The following TIMD4 variants were observed in gnomAD, a reference collection of about 807,000 sequenced individuals.
TIMD4 encodes the protein T-cell immunoglobulin and mucin domain-containing protein 4.
In TIMD4, 31 loss-of-function variants were observed where a neutral mutation model predicts 41.2. The observed-to-expected ratio is 0.75, with a 90% CI of 0.57 to 1.01. The LOEUF (loss-of-function observed/expected upper bound fraction) is 1.01. Among genes scored for constraint, TIMD4 ranks in the 50% least tolerant of loss-of-function variants. The probability of loss-of-function intolerance (pLI) is 0.00; values close to 1 mark genes in which losing one functional copy is unlikely to be tolerated. For missense variants in TIMD4, 479 were observed against 472.5 expected, an observed-to-expected ratio of 1.01 and a Z score of -0.13; for synonymous variants, 204 against 177.1, an observed-to-expected ratio of 1.15 and a Z score of -1.21.
chr5:156,951,411 C>G, intron 3 of TIMD4, 101 bp downstream of exon 3: 1 of 1,430,676 alleles, frequency 7.0e-7, no homozygotes, highest in Non-Finnish European at 9.6e-7. Flanking sequence ...CGCATGTGTA[C>G]ACGCACACAC....
At chr5:156,959,027 A>C (rs965613944) in intron 1 of TIMD4, among the ~76,000 whole-genome samples, 6 of 152,272 alleles carry the variant, frequency 3.9e-5, no homozygotes, top group African/African-American at 1.2e-4. Context: ...AAATGCACAG[A>C]AAAGTGTCTA....
At chr5:156,934,788 T>TACTTGAAAACAAAACTCATTCTGG (rs1759509130) in intron 5 of TIMD4, among the ~76,000 whole-genome samples, 4 of 151,382 alleles carry the variant, frequency 2.6e-5, no homozygotes, top group Admixed American at 2.6e-4. Flanking sequence ...AAACACAAAT[T>TACTTGAAAACAAAACTCATTCTGG]CTCGAATGAG....
chr5:156,926,391 A>G, intron 5 of TIMD4, 79 bp from the exon 6 acceptor site: 1 of 1,442,218 alleles, frequency 6.9e-7, no homozygotes, highest in Non-Finnish European at 9.7e-7. Context: ...GGTAATTAAG[A>G]GTCCATCTGG....
At chr5:156,946,149 G>T (rs910051591) in intron 5 of TIMD4, among the ~76,000 whole-genome samples, 2 of 152,156 alleles carry the variant, frequency 1.3e-5, no homozygotes, top group African/African-American at 2.4e-5. Flanking sequence ...AATAGTCCAA[G>T]ATTTAAATGG....
intron 5 of TIMD4, among the ~76,000 whole-genome samples, chr5:156,933,435 C>A (rs1331540998): frequency 6.6e-6 from 1 of 151,782 alleles, no homozygotes; most frequent in African/African-American, 2.4e-5. Flanking sequence ...GCTTGGGCAA[C>A]AGAGTGAGAT....
intron 4 of TIMD4, 56 bp downstream of exon 4, chr5:156,949,595 T>A (rs1178180825): frequency 7.1e-7 from 1 of 1,401,314 alleles, no homozygotes; most frequent in African/African-American, 1.4e-5. Context: ...TTTAGTAATT[T>A]CCTTCTCCTC....
chr5:156,938,697 G>A (rs903435095), intron 5 of TIMD4, among the ~76,000 whole-genome samples: 4 of 152,036 alleles, frequency 2.6e-5, no homozygotes, highest in Non-Finnish European at 5.9e-5. Context: ...TCTCTACCCT[G>A]CCTTCCCTCT....
chr5:156,942,512 G>A (rs557102543), intron 5 of TIMD4, among the ~76,000 whole-genome samples: 11 of 152,274 alleles, frequency 7.2e-5, no homozygotes, highest in Admixed American at 3.9e-4. Flanking sequence ...CCTGAAATGC[G>A]GATGTGAGTC....
intron 5 of TIMD4, among the ~76,000 whole-genome samples, chr5:156,934,905 T>C (rs1432671520): frequency 6.6e-6 from 1 of 152,180 alleles, no homozygotes; most frequent in Non-Finnish European, 1.5e-5. Flanking sequence ...AATTCATAGA[T>C]GCTGGGACTC....
intron 8 of TIMD4, 73 bp downstream of exon 8, chr5:156,920,391 C>T: frequency 1.3e-6 from 2 of 1,497,916 alleles, no homozygotes; most frequent in Non-Finnish European, 1.9e-6. Context: ...GTCATTAAAC[C>T]ACTGAGTAGT....
At position 156,954,716 on chromosome 5, in the gene TIMD4, A is replaced by AC; in HGVS notation, c.98dup (p.His34SerfsTer39). 6.2e-7 allele frequency: 1 copy of AC among 1,613,662 alleles called. No individual in the cohort carries two copies. Among genetic ancestry groups the AC allele is most frequent in the Middle Eastern group, 1.6e-4 (1 of 6,062 alleles). On this transcript the variant is annotated frameshift_variant, in exon 2 of 9. Transcript: ENST00000274532. LOFTEE classifies it high-confidence loss of function. ...ACAGACAGGGCAAAGTCACCCGGTGACCCAAAACCTCCGTCACAACAGTCT... is the reference window on the plus strand; with the variant it reads ...ACAGACAGGGCAAAGTCACCCGGTGACCCCAAAACCTCCGTCACAACAGTCT...
intron 1 of TIMD4, 46 bp downstream of exon 1, chr5:156,963,095 G>A (rs1265107006): frequency 6.3e-7 from 1 of 1,592,978 alleles, no homozygotes; most frequent in East Asian, 2.2e-5. Context: ...TCACACAATA[G>A]CAAGTCCTCT....
At chr5:156,925,258 CAA>C (rs969969355) in intron 6 of TIMD4, among the ~76,000 whole-genome samples, 3 of 152,212 alleles carry the variant, frequency 2.0e-5, no homozygotes, top group Admixed American at 2.0e-4. Context: ...TGCGGTGAGT[CAA>C]GATTGCACCA....
chr5:156,947,809 T>C (rs1759771862), intron 5 of TIMD4, among the ~76,000 whole-genome samples: 2 of 152,228 alleles, frequency 1.3e-5, no homozygotes, highest in African/African-American at 4.8e-5. Flanking sequence ...TAACAGTTAT[T>C]ATCTCATGGC....
intron 2 of TIMD4, among the ~76,000 whole-genome samples, chr5:156,953,140 T>G (rs1759895149): frequency 6.6e-6 from 1 of 152,206 alleles, no homozygotes; most frequent in Non-Finnish European, 1.5e-5. Context: ...AAGTATTTTA[T>G]AAAATAATAG....
At chr5:156,929,738 G>A (rs942158480) in intron 5 of TIMD4, among the ~76,000 whole-genome samples, 7 of 152,090 alleles carry the variant, frequency 4.6e-5, no homozygotes, top group African/African-American at 1.2e-4. Flanking sequence ...GAAAATTTCC[G>A]TGGTTTTAAG....
rs1428930492 is a variant in TIMD4 at position 156,951,706 on chromosome 5, G to C, written c.485C>G (p.Thr162Arg). ...TSPTTTRQMT[T>R]TPAALPTTVV... Reference sequence around the variant, plus strand: ...TGTTGTTGGAAGTGCAGCTGGGGTTGTTGTCATTTGTCGGGTGGTGGTGGG... The same window carrying C: ...TGTTGTTGGAAGTGCAGCTGGGGTTCTTGTCATTTGTCGGGTGGTGGTGGG... Residue 162 changes from threonine (T) to arginine (R), a missense_variant, in exon 3 of 9, where the codon ACA becomes AGA. By Grantham distance (71) the Thr-to-Arg change is moderately conservative. Coordinates refer to ENST00000274532, the MANE Select transcript of TIMD4 (RefSeq NM_138379.3). The C allele has an allele frequency of 1.9e-6, 3 of 1,614,148 alleles. No individual in the cohort carries two copies.
chr5:156,933,497 C>A (rs1395074668), intron 5 of TIMD4, among the ~76,000 whole-genome samples: 1 of 136,602 alleles, frequency 7.3e-6, no homozygotes, highest in Non-Finnish European at 1.5e-5. Context: ...AGGATATAGT[C>A]CAAACTGTAA....
chr5:156,954,630 G>T lies in TIMD4; in HGVS notation c.185C>A (p.Ser62Tyr). Residue 62 changes from serine (S) to tyrosine (Y), a missense_variant, in exon 2 of 9, where the codon TCC (serine) becomes TAC (tyrosine). Physicochemically the swap from Ser to Tyr is moderately radical, Grantham distance 144. Transcript: ENST00000274532. ...GCGGATGAGCGCCTCCTTGCAACCG[G>T]AGTAGGGGCACTGGTCTTTCCCCCA... ...MCWGKDQCPY[S>Y]GCKEALIRTD... is the part of the protein sequence containing the mutation. 3.7e-6 allele frequency: 6 copies of T among 1,614,222 alleles called. No homozygotes were observed. The highest frequency in any genetic ancestry group is 5.1e-6 in the Non-Finnish European group (6 of 1,180,038).
Sources: allele counts gnomAD v4.1 joint callset (sites outside exome capture counted in the v4.1 genomes callset), GRCh38; gene constraint gnomAD v4.1.1; transcripts MANE v1.5; gene names NCBI Gene and HGNC (gene_info 2026-07-23, HGNC 2026-07-21).